TENM2: variants seen among roughly 807,000 people sequenced by gnomAD.
TENM2 encodes teneurin-2.
A neutral mutation model predicts 245.2 loss-of-function variants in TENM2; 52 were observed. That is an observed-to-expected ratio of 0.21 (90% CI 0.17 to 0.27). The LOEUF is 0.27. Ranked by LOEUF, TENM2 falls within the 10% of genes least tolerant of loss-of-function variation. The pLI, the probability that TENM2 is intolerant of heterozygous loss-of-function variation, is 1.00. For missense variants in TENM2, 3,046 were observed against 3,666.8 expected (o/e 0.83, Z 4.37); for synonymous variants, 1,363 against 1,438.9 (o/e 0.95, Z 1.19).
At chr5:167,361,818 G>T (rs902550697) in intron 1 of TENM2, among the ~76,000 whole-genome samples, 32 of 152,216 alleles carry the variant, frequency 2.1e-4, no homozygotes, top group Admixed American at 2.6e-4. Flanking sequence ...AGTAATGGTT[G>T]TAAGGTCCTT....
chr5:167,350,819 G>GATATATATATGGGATATATACATACGGAT (rs1758835533), intron 1 of TENM2, among the ~76,000 whole-genome samples: 1 of 96,466 alleles, frequency 1.0e-5, no homozygotes, highest in African/African-American at 3.7e-5. Flanking sequence ...TATACATATG[G>GATATATATATGGGATATATACATACGGAT]ATATATATAT....
intron 2 of TENM2, among the ~76,000 whole-genome samples, chr5:167,485,578 G>T (rs912343941): frequency 1.3e-5 from 2 of 152,112 alleles, no homozygotes; most frequent in African/African-American, 4.8e-5. Context: ...TGGGGCAGGA[G>T]GGGGGCAGGG....
chr5:167,798,958 G>A (rs1466676361), intron 2 of TENM2, among the ~76,000 whole-genome samples: 1 of 152,176 alleles, frequency 6.6e-6, no homozygotes, highest in Non-Finnish European at 1.5e-5. Flanking sequence ...CCCCACCTCT[G>A]CACTGCCGTC....
At chr5:168,182,840 TTTTTTTTTGA>T (rs1760035475) in intron 13 of TENM2, among the ~76,000 whole-genome samples, 1 of 141,860 alleles carries the variant, frequency 7.0e-6, no homozygotes, top group African/African-American at 2.9e-5. Flanking sequence ...TTTTTTTTTT[TTTTTTTTTGA>T]GACAGAGTCT....
chr5:167,089,839 A>C, the TENM2 span, among the ~76,000 whole-genome samples: 26 of 152,236 alleles, frequency 1.7e-4, no homozygotes, highest in Non-Finnish European at 3.4e-4. Flanking sequence ...TTCAGAGTCT[A>C]GAGATCTGGA....
At chr5:167,320,658 C>A (rs1451789257) in intron 1 of TENM2, among the ~76,000 whole-genome samples, 2 of 152,108 alleles carry the variant, frequency 1.3e-5, no homozygotes, top group Non-Finnish European at 2.9e-5. Flanking sequence ...CGAGTTGAGC[C>A]CTTTCATGCT....
At chr5:167,527,977 TA>T (rs1163057643) in intron 2 of TENM2, among the ~76,000 whole-genome samples, 5 of 152,126 alleles carry the variant, frequency 3.3e-5, no homozygotes, top group Non-Finnish European at 7.4e-5. Flanking sequence ...AGGAGGGGAA[TA>T]AAAAAGTTTG....
chr5:167,806,499 C>G (rs755261624), intron 2 of TENM2, among the ~76,000 whole-genome samples: 1 of 152,082 alleles, frequency 6.6e-6, no homozygotes, highest in Non-Finnish European at 1.5e-5. Context: ...CCTTCTCTCC[C>G]GTGTTACCTT....
intron 2 of TENM2, among the ~76,000 whole-genome samples, chr5:167,480,343 G>A (rs1475504309): frequency 6.6e-6 from 1 of 152,116 alleles, no homozygotes; most frequent in African/African-American, 2.4e-5. Flanking sequence ...TATAAAGACT[G>A]TACACCTTTT....
At chr5:167,600,208 G>C (rs968765066) in intron 2 of TENM2, among the ~76,000 whole-genome samples, 1 of 151,404 alleles carries the variant, frequency 6.6e-6, no homozygotes, top group South Asian at 2.1e-4. Flanking sequence ...CTCCCTAATG[G>C]TATGTTCCTG....
the TENM2 span, among the ~76,000 whole-genome samples, chr5:167,078,488 AAC>A: frequency 4.8e-5 from 7 of 146,212 alleles, no homozygotes; most frequent in African/African-American, 9.7e-5. Flanking sequence ...TGTCTCAAAC[AAC>A]AACAACAACA....
intron 2 of TENM2, among the ~76,000 whole-genome samples, chr5:167,850,083 T>C (rs1003042266): frequency 6.6e-6 from 1 of 152,200 alleles, no homozygotes; most frequent in Non-Finnish European, 1.5e-5. Context: ...CTTGGTCTTC[T>C]GGTGACCAGC....
chr5:168,262,636 C>T (rs757947504), exon 29 of TENM2: 9 of 1,598,452 alleles, frequency 5.6e-6, no homozygotes, highest in South Asian at 3.4e-5. Context: ...AAGCCAGGGA[C>T]GGGAGAGAGG....
At chr5:168,065,935 G>T (rs1226737898) in intron 7 of TENM2, among the ~76,000 whole-genome samples, 1 of 150,886 alleles carries the variant, frequency 6.6e-6, no homozygotes, top group African/African-American at 2.4e-5. Context: ...CTCCCACCCT[G>T]GAAACATTTT....
chr5:168,076,402 T>C (rs1380036913), intron 7 of TENM2, among the ~76,000 whole-genome samples: 1 of 151,910 alleles, frequency 6.6e-6, no homozygotes, highest in African/African-American at 2.4e-5. Context: ...ATTTTGGTAT[T>C]TTTAGCAGAG....
At chr5:167,015,767 A>AT in the TENM2 span, among the ~76,000 whole-genome samples, 2 of 152,160 alleles carry the variant, frequency 1.3e-5, no homozygotes, top group African/African-American at 4.8e-5. Context: ...AGATCAAGAT[A>AT]TATTTTTTTT....
At chr5:167,221,774 A>G in the TENM2 span, among the ~76,000 whole-genome samples, 2 of 152,192 alleles carry the variant, frequency 1.3e-5, no homozygotes, top group South Asian at 2.1e-4. Context: ...CGCTCCAGGA[A>G]TCTTCTGCTT....
intron 25 of TENM2, among the ~76,000 whole-genome samples, chr5:168,240,301 A>G (rs1765967477): frequency 6.6e-6 from 1 of 152,204 alleles, no homozygotes; most frequent in African/African-American, 2.4e-5. Flanking sequence ...CGAGCAGCAG[A>G]GCTTTAAGAG....
intron 3 of TENM2, among the ~76,000 whole-genome samples, chr5:167,950,256 T>C (rs1015419649): frequency 6.6e-6 from 1 of 152,156 alleles, no homozygotes; most frequent in Non-Finnish European, 1.5e-5. Flanking sequence ...CCCTGGATAT[T>C]GTCAGCACAC....
Sources: gnomAD v4.1 joint callset for allele counts (sites outside exome capture counted in the v4.1 genomes callset) on GRCh38, gnomAD v4.1.1 for gene constraint, MANE v1.5 for transcripts, NCBI Gene and HGNC (gene_info 2026-07-23, HGNC 2026-07-21) for gene names.